The following GNAQ variants were observed in gnomAD, a reference collection of about 807,000 sequenced individuals.
GNAQ encodes the protein G protein subunit alpha q, also known as guanine nucleotide-binding protein G(q) subunit alpha.
GNAQ carries 8 observed loss-of-function variants against 43.9 expected under a neutral mutation model. That is an observed-to-expected ratio of 0.18 (90% CI 0.11 to 0.33). The LOEUF is 0.33. GNAQ is among the 10% of genes least tolerant of loss of function. GNAQ has a pLI of 1.00. For missense variants in GNAQ, 158 were observed against 450.8 expected (o/e 0.35, Z 5.88); for synonymous variants, 155 against 170.7 (o/e 0.91, Z 0.71).
intron 1 of GNAQ, among the ~76,000 whole-genome samples, chr9:77,996,796 C>T (rs1048214312): frequency 6.6e-6 from 1 of 152,034 alleles, no homozygotes; most frequent in African/African-American, 2.4e-5. Context: ...ATTTTGTAAC[C>T]CTTATATTTC....
At chr9:77,757,591 A>G (rs1367482259) in intron 5 of GNAQ, among the ~76,000 whole-genome samples, 2 of 152,200 alleles carry the variant, frequency 1.3e-5, no homozygotes, top group Non-Finnish European at 2.9e-5. Flanking sequence ...CAACATAAAA[A>G]ATACCCACTA....
At chr9:77,855,521 G>A (rs972240904) in intron 2 of GNAQ, among the ~76,000 whole-genome samples, 5 of 151,132 alleles carry the variant, frequency 3.3e-5, no homozygotes, top group African/African-American at 4.9e-5. Flanking sequence ...TCTTTTTTTC[G>A]CCCTCTTTGA....
chr9:77,901,112 C>T (rs147257004), intron 2 of GNAQ, among the ~76,000 whole-genome samples: 40 of 152,256 alleles, frequency 2.6e-4, no homozygotes, highest in Non-Finnish European at 4.1e-4. Flanking sequence ...CTCCTGGTCA[C>T]GATCTTGCTT....
chr9:78,014,700 C>A (rs1823815577), intron 1 of GNAQ, among the ~76,000 whole-genome samples: 1 of 152,076 alleles, frequency 6.6e-6, no homozygotes, highest in South Asian at 2.1e-4. Context: ...AACAACAGAA[C>A]AATATTAATA....
intron 1 of GNAQ, among the ~76,000 whole-genome samples, chr9:78,009,402 TAGTC>T (rs1330360859): frequency 6.6e-6 from 1 of 152,154 alleles, no homozygotes; most frequent in Non-Finnish European, 1.5e-5. Context: ...GAGTGTGCCA[TAGTC>T]AAGGAAGAGC....
chr9:77,880,663 C>T (rs1227362295), intron 2 of GNAQ, among the ~76,000 whole-genome samples: 1 of 151,958 alleles, frequency 6.6e-6, no homozygotes, highest in Admixed American at 6.6e-5. Context: ...ACATGGCACC[C>T]CACATCCCAA....
intron 2 of GNAQ, among the ~76,000 whole-genome samples, chr9:77,888,311 T>C (rs934235831): frequency 6.6e-6 from 1 of 152,200 alleles, no homozygotes; most frequent in African/African-American, 2.4e-5. Flanking sequence ...TCATTCTAGA[T>C]CACTGGCAAT....
At chr9:77,807,095 C>T (rs1042779754) in intron 3 of GNAQ, among the ~76,000 whole-genome samples, 2 of 152,056 alleles carry the variant, frequency 1.3e-5, no homozygotes, top group African/African-American at 4.8e-5. Context: ...CATGAGTTAA[C>T]GTAAACTAAT....
At position 77,720,481 on chromosome 9, in the gene GNAQ, A is replaced by G; in HGVS notation, c.*842T>C. 4.3e-6 allele frequency: 1 copy of G among 233,584 alleles called. No individual in the cohort carries two copies. The highest frequency in any genetic ancestry group is 8.5e-6 in the Non-Finnish European group (1 of 117,978). 14.5% of individuals were successfully genotyped at this position (233,584 alleles called of 1,614,324 possible). ...TTAGGGTAATGTAGTGTCTGTTGGC[A>G]TCTTTTTTGGCATCTGCAATTGAAA... On this transcript the variant is annotated 3_prime_UTR_variant, in exon 7 of 7. Coordinates refer to ENST00000286548, the MANE Select transcript of GNAQ (RefSeq NM_002072.5).
Position 77,774,636 on chromosome 9 carries a change from T to C in GNAQ, c.735+19827A>G, listed in dbSNP as rs377556554. Among the ~76,000 whole-genome samples, 48 of 152,286 alleles carry C rather than the reference T, an allele frequency of 3.2e-4. 3 individuals are homozygous for C. The highest frequency in any genetic ancestry group is 1.1e-3 in the African/African-American group (46 of 41,544). On this transcript the variant is annotated intron_variant, in intron 5 of 6. Transcript: ENST00000286548. The stretch of plus-strand genomic sequence containing the variant: ...ACCACATGCCCAGCAAATTTCTTTA[T>C]ATTTTTTGTAGAGACAGGGTCTCAC...
At chr9:77,913,019 A>G (rs543067922) in intron 2 of GNAQ, among the ~76,000 whole-genome samples, 3 of 152,286 alleles carry the variant, frequency 2.0e-5, no homozygotes, top group South Asian at 2.1e-4. Flanking sequence ...AACTAAAACA[A>G]AAAGAATACC....
At chr9:77,805,773 T>A (rs749144103) in intron 3 of GNAQ, among the ~76,000 whole-genome samples, 30 of 152,150 alleles carry the variant, frequency 2.0e-4, no homozygotes, top group Non-Finnish European at 3.7e-4. Context: ...TGGGTTATAA[T>A]CCTACCATTT....
intron 6 of GNAQ, among the ~76,000 whole-genome samples, chr9:77,727,785 G>A (rs1481583174): frequency 1.3e-5 from 2 of 152,160 alleles, no homozygotes; most frequent in Non-Finnish European, 2.9e-5. Flanking sequence ...CAAATAGGAA[G>A]TGTCAGAACT....
At chr9:77,831,935 C>G (rs147944753) in intron 2 of GNAQ, among the ~76,000 whole-genome samples, 109 of 152,256 alleles carry the variant, frequency 7.2e-4, no homozygotes, top group Middle Eastern at 3.4e-3. Context: ...TAATTGCCCT[C>G]GCCAGCTCCT....
chr9:77,817,778 G>A (rs372799622), intron 2 of GNAQ, among the ~76,000 whole-genome samples: 3 of 152,152 alleles, frequency 2.0e-5, no homozygotes, highest in Non-Finnish European at 2.9e-5. Context: ...AGTTACATAC[G>A]CACATGAGCG....
intron 2 of GNAQ, among the ~76,000 whole-genome samples, chr9:77,891,878 C>A (rs750829683): frequency 6.6e-6 from 1 of 152,174 alleles, no homozygotes; most frequent in African/African-American, 2.4e-5. Flanking sequence ...AGCAACTAAT[C>A]CTTGTGGACA....
intron 3 of GNAQ, among the ~76,000 whole-genome samples, chr9:77,808,011 C>A (rs1014157684): frequency 2.0e-5 from 3 of 152,054 alleles, no homozygotes; most frequent in African/African-American, 7.2e-5. Context: ...CCCTGTTCTA[C>A]GGTAATAGGC....
At chr9:77,928,538 T>A (rs957700798) in intron 1 of GNAQ, among the ~76,000 whole-genome samples, 3 of 152,192 alleles carry the variant, frequency 2.0e-5, no homozygotes, top group African/African-American at 7.2e-5. Context: ...GAAGGTCATG[T>A]CAGTCCTGGA....
intron 6 of GNAQ, among the ~76,000 whole-genome samples, chr9:77,722,653 C>CTTT (rs36194112): frequency 8.6e-6 from 1 of 115,774 alleles, no homozygotes; most frequent in Non-Finnish European, 1.7e-5. Flanking sequence ...TATCTAAGGA[C>CTTT]TTTTTTTTTT....
Sources: allele counts gnomAD v4.1 joint callset (sites outside exome capture counted in the v4.1 genomes callset), GRCh38; gene constraint gnomAD v4.1.1; transcripts MANE v1.5; gene names NCBI Gene and HGNC (gene_info 2026-07-23, HGNC 2026-07-21).